The following CNTNAP2 variants were observed in gnomAD, a reference collection of about 807,000 sequenced individuals.
CNTNAP2 encodes the protein contactin-associated protein-like 2.
Under a neutral mutation model 155.2 loss-of-function variants are expected in CNTNAP2, and 98 were observed. The ratio of observed to expected loss-of-function variants is 0.63; its 90% CI spans 0.54 to 0.75. The LOEUF (loss-of-function observed/expected upper bound fraction) is 0.75, where lower values mean the gene tolerates loss of function less well. CNTNAP2 is among the 30% of genes least tolerant of loss of function. The pLI is 0.00. For missense variants in CNTNAP2, 1,727 were observed against 1,688.1 expected (o/e 1.02, Z -0.40); for synonymous variants, 651 against 631.2 (o/e 1.03, Z -0.47).
chr7:147,592,920 A>G lies in CNTNAP2; in HGVS notation c.1897+30663A>G, dbSNP rs563583820. Among the ~76,000 whole-genome samples the G allele has an allele frequency of 5.9e-5, 9 of 152,324 alleles. No homozygotes were observed. In the East Asian group the frequency reaches 1.7e-3, roughly 29 times the overall value. ...CAAATGGTCATACCCTGCTGCTATG[A>G]AGGTGACAGTCCTCCCCACTGCTCA... On this transcript the variant is annotated intron_variant, in intron 12 of 23. Coordinates refer to ENST00000361727, the MANE Select transcript of CNTNAP2 (RefSeq NM_014141.6).
At chr7:146,920,594 A>C (rs750930963) in intron 3 of CNTNAP2, among the ~76,000 whole-genome samples, 1 of 152,238 alleles carries the variant, frequency 6.6e-6, no homozygotes, top group Non-Finnish European at 1.5e-5. Context: ...GAAGGAAATC[A>C]GATGGTAAAT....
chr7:146,949,289 G>A (rs1471022071), intron 3 of CNTNAP2, among the ~76,000 whole-genome samples: 2 of 152,176 alleles, frequency 1.3e-5, no homozygotes, highest in Non-Finnish European at 2.9e-5. Context: ...TCTGCCCCAG[G>A]GCATTTCCCC....
chr7:147,002,944 CAAA>C (rs773401142), intron 3 of CNTNAP2, among the ~76,000 whole-genome samples: 2 of 52,940 alleles, frequency 3.8e-5, no homozygotes, highest in South Asian at 8.6e-4. Context: ...ATGTTCCTTC[CAAA>C]AAAAAAAAAA....
intron 11 of CNTNAP2, among the ~76,000 whole-genome samples, chr7:147,513,752 C>A (rs530975542): frequency 4.7e-4 from 72 of 152,384 alleles, no homozygotes; most frequent in African/African-American, 1.6e-3. Flanking sequence ...TTCCCTGCAC[C>A]TTCCTGCTCT....
intron 1 of CNTNAP2, among the ~76,000 whole-genome samples, chr7:146,733,002 T>C (rs1801552391): frequency 6.6e-6 from 1 of 152,116 alleles, no homozygotes; most frequent in Non-Finnish European, 1.5e-5. Flanking sequence ...TAAAAGAAAC[T>C]ACATTTTCAA....
chr7:147,265,690 C>T (rs577942829), intron 8 of CNTNAP2, among the ~76,000 whole-genome samples: 6 of 152,292 alleles, frequency 3.9e-5, no homozygotes, highest in East Asian at 1.9e-4. Context: ...TCCTGGATCC[C>T]GTGCCGCCCT....
intron 21 of CNTNAP2, among the ~76,000 whole-genome samples, chr7:148,292,807 T>C (rs1797211625): frequency 1.3e-5 from 2 of 152,160 alleles, no homozygotes; most frequent in South Asian, 4.2e-4. Context: ...TTCCCATCCA[T>C]CCCCTCCACC....
intron 1 of CNTNAP2, among the ~76,000 whole-genome samples, chr7:146,168,952 C>A (rs557024659): frequency 6.6e-6 from 1 of 152,308 alleles, no homozygotes; most frequent in South Asian, 2.1e-4. Flanking sequence ...CTACTATTCT[C>A]CCTCCTGCTC....
At chr7:147,680,955 A>C (rs921472144) in intron 13 of CNTNAP2, among the ~76,000 whole-genome samples, 4 of 151,928 alleles carry the variant, frequency 2.6e-5, no homozygotes, top group Non-Finnish European at 5.9e-5. Flanking sequence ...ATTAATATAT[A>C]CGTTATATAA....
At chr7:146,925,753 A>G (rs932936863) in intron 3 of CNTNAP2, among the ~76,000 whole-genome samples, 1 of 152,142 alleles carries the variant, frequency 6.6e-6, no homozygotes, top group African/African-American at 2.4e-5. Context: ...TGCTCTGACA[A>G]CACCTTGAAT....
intron 2 of CNTNAP2, among the ~76,000 whole-genome samples, chr7:146,816,195 TA>T (rs565820721): frequency 1.3e-5 from 2 of 152,206 alleles, no homozygotes; most frequent in Non-Finnish European, 2.9e-5. Flanking sequence ...AAGTACTTTT[TA>T]TATGTCTGGT....
Position 146,707,667 on chromosome 7 carries a change from A to G in CNTNAP2, c.98-66604A>G, listed in dbSNP as rs140465478. On this transcript the variant is annotated intron_variant, in intron 1 of 23. Transcript: ENST00000361727. The stretch of plus-strand genomic sequence containing the variant: ...ATTTTTAGTTCAACATGACCTTTGA[A>G]ATGGTCAAGCTTTCCTCTGTCTATT... Among the ~76,000 whole-genome samples, 90 of 152,232 alleles carry G rather than the reference A, an allele frequency of 5.9e-4. No homozygotes were observed. The East Asian group carries it at 0.015, about 25-fold the overall frequency.
chr7:147,172,005 C>T (rs1000205389), intron 8 of CNTNAP2, among the ~76,000 whole-genome samples: 1 of 152,092 alleles, frequency 6.6e-6, no homozygotes, highest in African/African-American at 2.4e-5. Flanking sequence ...AAGACACTGT[C>T]GGGAATACAG....
intron 2 of CNTNAP2, among the ~76,000 whole-genome samples, chr7:146,792,093 C>T (rs1482207816): frequency 6.6e-6 from 1 of 152,180 alleles, no homozygotes; most frequent in African/African-American, 2.4e-5. Context: ...AATTCTACAT[C>T]TCACTGCCGT....
chr7:146,830,317 G>A (rs992450171), intron 2 of CNTNAP2, among the ~76,000 whole-genome samples: 81 of 152,002 alleles, frequency 5.3e-4, no homozygotes, highest in African/African-American at 1.9e-3. Context: ...TGGGGGAAAA[G>A]GACGGTGATT....
intron 12 of CNTNAP2, among the ~76,000 whole-genome samples, chr7:147,566,683 T>C (rs62481329): frequency 0.2 from 30,532 of 152,058 alleles, 3,303 homozygotes; most frequent in Admixed American, 0.29. Context: ...TGGAGGAAAC[T>C]GTCCCCATAA....
intron 18 of CNTNAP2, among the ~76,000 whole-genome samples, chr7:148,185,086 C>G (rs1191736016): frequency 2.0e-5 from 3 of 152,306 alleles, no homozygotes; most frequent in South Asian, 2.1e-4. Context: ...AACAGCAAAA[C>G]TTTTCCCTCT....
At chr7:146,820,345 G>T (rs1421659726) in intron 2 of CNTNAP2, among the ~76,000 whole-genome samples, 1 of 152,092 alleles carries the variant, frequency 6.6e-6, no homozygotes, top group East Asian at 1.9e-4. Context: ...TATATAGTTA[G>T]CAATTGAATA....
chr7:147,009,983 A>G (rs1281656354), intron 3 of CNTNAP2, among the ~76,000 whole-genome samples: 1 of 150,968 alleles, frequency 6.6e-6, no homozygotes, highest in Non-Finnish European at 1.5e-5. Flanking sequence ...ATCATTGAAC[A>G]CACCAGGCGT....
Sources: gnomAD v4.1 joint callset for allele counts (sites outside exome capture counted in the v4.1 genomes callset) on GRCh38, gnomAD v4.1.1 for gene constraint, MANE v1.5 for transcripts, NCBI Gene and HGNC (gene_info 2026-07-23, HGNC 2026-07-21) for gene names.